Variants in FHAD1 observed in about 807,000 individuals in gnomAD.
The protein encoded by FHAD1 is forkhead-associated domain-containing protein 1.
In FHAD1, 146 loss-of-function variants were observed where a neutral mutation model predicts 191.3. The observed-to-expected ratio is 0.76, with a 90% CI of 0.67 to 0.88. The LOEUF (loss-of-function observed/expected upper bound fraction) is 0.88, where lower values mean the gene tolerates loss of function less well. Ranked by LOEUF, FHAD1 falls within the 40% of genes least tolerant of loss-of-function variation. The pLI is 0.00. For missense variants in FHAD1, 1,635 were observed against 1,785.8 expected (o/e 0.92, Z 1.52); for synonymous variants, 616 against 672.3 (o/e 0.92, Z 1.29).
chr1:15,245,030 T>C (rs1752022), upstream of FHAD1, among the ~76,000 whole-genome samples: 65,869 of 152,052 alleles, frequency 0.43, 16,112 homozygotes, highest in Non-Finnish European at 0.54. Context: ...AGAGAGGAAG[T>C]GAGAGTGAGC....
At chr1:15,378,067 G>T (rs1196594876) in intron 28 of FHAD1, among the ~76,000 whole-genome samples, 2 of 152,196 alleles carry the variant, frequency 1.3e-5, no homozygotes, top group Non-Finnish European at 1.5e-5. Context: ...ACTTTGGGAG[G>T]CCGAGGCAGG....
intron 4 of FHAD1, among the ~76,000 whole-genome samples, chr1:15,290,577 G>T (rs1335652714): frequency 6.6e-6 from 1 of 152,082 alleles, no homozygotes; most frequent in Non-Finnish European, 1.5e-5. Context: ...AAGAGTAAAG[G>T]CCATGTGTCT....
chr1:15,338,573 C>T (rs1001077161), intron 14 of FHAD1, among the ~76,000 whole-genome samples: 1 of 152,170 alleles, frequency 6.6e-6, no homozygotes, highest in Admixed American at 6.5e-5. Context: ...CGGTCACACC[C>T]ACAGGTTCCA....
At chr1:15,245,919 A>T (rs2100650095), upstream of FHAD1, among the ~76,000 whole-genome samples, 1 of 152,292 alleles carries the variant, frequency 6.6e-6, no homozygotes, top group East Asian at 1.9e-4. Context: ...CCACAAATCG[A>T]TGTCCATGAT....
At chr1:15,395,724 A>G (rs1220723447) in intron 33 of FHAD1, among the ~76,000 whole-genome samples, 1 of 152,154 alleles carries the variant, frequency 6.6e-6, no homozygotes, top group Non-Finnish European at 1.5e-5. Flanking sequence ...AGCTTGTCCA[A>G]CCCGCAGCCC....
At chr1:15,314,823 GA>G (rs1673741334) in intron 8 of FHAD1, among the ~76,000 whole-genome samples, 3 of 140,106 alleles carry the variant, frequency 2.1e-5, no homozygotes, top group Non-Finnish European at 4.7e-5. Context: ...TGGGGGTGTG[GA>G]TGTGTGTAGG....
chr1:15,365,872 A>T lies in FHAD1; in HGVS notation c.3093A>T (p.Glu1031Asp). 1 of 1,551,694 alleles carries T rather than the reference A, an allele frequency of 6.4e-7. No homozygotes were observed. Among genetic ancestry groups the T allele is most frequent in the African/African-American group, 1.4e-5 (1 of 73,152 alleles). The change falls in exon 24 of 34, where the codon GAA becomes GAT. Residue 1031 changes from glutamate to aspartate, a missense_variant. Physicochemically the swap from Glu to Asp is conservative, Grantham distance 45. Transcript: ENST00000688493. ...AGAAGGAAATTCTGTCTCAGCAGGA[A>T]GTCATCATGAAGTTAAGGAAAGACC... ...AAQKEILSQQEVIMKLRKDLT... is the reference protein window; with the variant it reads ...AAQKEILSQQDVIMKLRKDLT...
chr1:15,340,501 T>C (rs1686128731), intron 15 of FHAD1, among the ~76,000 whole-genome samples: 1 of 152,176 alleles, frequency 6.6e-6, no homozygotes, highest in African/African-American at 2.4e-5. Context: ...CCTAGGCTGT[T>C]CTCATGGAGA....
chr1:15,319,089 C>G (rs1292246078), intron 10 of FHAD1, among the ~76,000 whole-genome samples: 1 of 152,092 alleles, frequency 6.6e-6, no homozygotes, highest in Non-Finnish European at 1.5e-5. Context: ...CTCAGCCTCC[C>G]AAAGTGCTGG....
intron 19 of FHAD1, 67 bp downstream of exon 19, chr1:15,349,216 G>A: frequency 1.6e-6 from 2 of 1,242,076 alleles, no homozygotes; most frequent in Non-Finnish European, 2.3e-6. Context: ...GGAGAGTACA[G>A]TGGGAAATCG....
chr1:15,347,268 A>T (rs1689241909), intron 18 of FHAD1, among the ~76,000 whole-genome samples: 1 of 152,222 alleles, frequency 6.6e-6, no homozygotes, highest in South Asian at 2.1e-4. Flanking sequence ...AGCCTGGGGA[A>T]GATTCTTGAA....
Position 15,327,047 on chromosome 1 carries a change from T to C in FHAD1, c.1474-12T>C. On this transcript the variant is annotated splice_polypyrimidine_tract_variant and intron_variant, in intron 11 of 33. Transcript: ENST00000688493. This position sits in a 1 kb window ranked among gnomAD's most constrained non-coding sequence, Gnocchi z 5.1. The stretch of plus-strand genomic sequence containing the variant: ...CTGACCCCCTGACACTGTTGCCCCC[T>C]CTCTGCTGCAGCTGGAGCACTTCAG... 1 of 1,545,008 alleles carries C rather than the reference T, an allele frequency of 6.5e-7. No homozygotes were observed. Among genetic ancestry groups the C allele is most frequent in the Non-Finnish European group, 8.8e-7 (1 of 1,141,664 alleles).
intron 21 of FHAD1, among the ~76,000 whole-genome samples, chr1:15,359,080 T>C (rs1453527561): frequency 6.6e-6 from 1 of 151,850 alleles, no homozygotes; most frequent in Non-Finnish European, 1.5e-5. Flanking sequence ...CCAGGGCGCC[T>C]GGGGACCTGA....
rs1002276909 is a variant in FHAD1 at position 15,289,299 on chromosome 1, A to G, written c.301-100A>G. On this transcript the variant is annotated intron_variant, in intron 3 of 33. Transcript: ENST00000688493. This position sits in a 1 kb window ranked among gnomAD's most constrained non-coding sequence, Gnocchi z 4.2. ...CACCCTGCCCGACCGGAAGTGACTC[A>G]TAAACCAAGACCTTGGGCAGCAATG... 1.2e-5 allele frequency: 18 copies of G among 1,454,752 alleles called. No homozygotes were observed. Among genetic ancestry groups the G allele is most frequent in the East Asian group, 2.5e-5 (1 of 40,034 alleles). 90.1% of individuals were successfully genotyped at this position (1,454,752 alleles called of 1,614,324 possible).
At chr1:15,304,158 C>T (rs376399448) in intron 6 of FHAD1, among the ~76,000 whole-genome samples, 2 of 152,238 alleles carry the variant, frequency 1.3e-5, no homozygotes, top group Admixed American at 6.5e-5. Context: ...CAAAGCCCTT[C>T]GATCTGATAC....
intron 26 of FHAD1, 102 bp from the exon 27 acceptor site, chr1:15,374,400 A>G: frequency 7.1e-7 from 1 of 1,410,476 alleles, no homozygotes; most frequent in Non-Finnish European, 9.6e-7. Flanking sequence ...AAAGGTGCTA[A>G]GTGACTGGGT....
intron 10 of FHAD1, among the ~76,000 whole-genome samples, chr1:15,323,784 G>T (rs951681446): frequency 1.3e-5 from 2 of 152,118 alleles, no homozygotes; most frequent in African/African-American, 4.8e-5. Flanking sequence ...AGCAAGCGGG[G>T]GAAAATGGGC....
chr1:15,395,595 A>G (rs1186564198), intron 33 of FHAD1, among the ~76,000 whole-genome samples: 4 of 151,950 alleles, frequency 2.6e-5, no homozygotes, highest in African/African-American at 9.7e-5. Flanking sequence ...TCCAACAAAT[A>G]TGGCCCGGGA....
chr1:15,293,952 C>T (rs1666002038), intron 4 of FHAD1, among the ~76,000 whole-genome samples: 1 of 152,132 alleles, frequency 6.6e-6, no homozygotes, highest in Non-Finnish European at 1.5e-5. Flanking sequence ...TTGAGGCCCT[C>T]AGATCTGCCT....
Sources: allele counts gnomAD v4.1 joint callset (sites outside exome capture counted in the v4.1 genomes callset), GRCh38; gene constraint gnomAD v4.1.1; non-coding constraint Gnocchi (gnomAD v3.1); transcripts MANE v1.5; gene names NCBI Gene and HGNC (gene_info 2026-07-23, HGNC 2026-07-21).